The following TEKTIP1 variants were observed in gnomAD, a reference collection of about 807,000 sequenced individuals.
TEKTIP1 encodes the protein tektin bundle interacting protein 1.
the TEKTIP1 span, chr19:3,543,487 C>A: frequency 2.1e-5 from 32 of 1,519,436 alleles, no homozygotes; most frequent in Admixed American, 1.4e-4. Context: ...AGTGCCCCCC[C>A]CCCCGCCCTG....
chr19:3,539,426 AGTGG>A, the TEKTIP1 span: 1 of 590,512 alleles, frequency 1.7e-6, no homozygotes, highest in Non-Finnish European at 3.1e-6. Context: ...CCCTCCGGCC[AGTGG>A]CCGCTCACTG....
the TEKTIP1 span, chr19:3,539,308 C>T: frequency 8.3e-7 from 1 of 1,202,290 alleles, no homozygotes; most frequent in Non-Finnish European, 1.2e-6. Flanking sequence ...TCCCTCCCTC[C>T]CTCCCTGGGT....
chr19:3,543,474 G>T, the TEKTIP1 span: 8 of 1,529,954 alleles, frequency 5.2e-6, no homozygotes, highest in Non-Finnish European at 7.0e-6. Context: ...ATGCCATCGG[G>T]TGAGTGCCCC....
At chr19:3,542,792 C>T in the TEKTIP1 span, 7 of 1,369,468 alleles carry the variant, frequency 5.1e-6, no homozygotes, top group Non-Finnish European at 6.8e-6. Flanking sequence ...TAGTGGGTCC[C>T]CCAGTCTTCC....
the TEKTIP1 span, among the ~76,000 whole-genome samples, chr19:3,540,949 T>TC: frequency 6.7e-6 from 1 of 150,036 alleles, no homozygotes. Context: ...GGCGGGTGGA[T>TC]CACGAGGTCA....
the TEKTIP1 span, chr19:3,541,756 T>C: frequency 2.0e-6 from 2 of 985,372 alleles, no homozygotes; most frequent in Non-Finnish European, 2.4e-6. Context: ...GGCAGGTGGG[T>C]ACGGGGCCGA....
chr19:3,542,835 C>T, the TEKTIP1 span: 2 of 1,376,330 alleles, frequency 1.5e-6, no homozygotes, highest in Non-Finnish European at 1.9e-6. Context: ...CCCCAGACCA[C>T]TTCTTCCTGG....
chr19:3,539,416 C>A, the TEKTIP1 span: 9 of 592,922 alleles, frequency 1.5e-5, no homozygotes, highest in Admixed American at 2.2e-4. Flanking sequence ...CTTCCTGTTC[C>A]CCTCCGGCCA....
chr19:3,540,551 T>C, the TEKTIP1 span, among the ~76,000 whole-genome samples: 5 of 150,980 alleles, frequency 3.3e-5, no homozygotes, highest in South Asian at 2.1e-4. Flanking sequence ...GCACCGCGCC[T>C]AGCTGTGAGA....
chr19:3,543,290 A>ACACGCTGGAAGTACACGCC, the TEKTIP1 span: 2 of 1,548,508 alleles, frequency 1.3e-6, no homozygotes. Context: ...CAGGCAGGCC[A>ACACGCTGGAAGTACACGCC]CACGCTGGAA....
the TEKTIP1 span, chr19:3,539,391 A>AG: frequency 4.8e-6 from 3 of 624,526 alleles, no homozygotes; most frequent in South Asian, 5.5e-5. Context: ...CATGTGTGTG[A>AG]CGTCCCCTCC....
the TEKTIP1 span, chr19:3,542,850 C>T: frequency 7.2e-7 from 1 of 1,381,402 alleles, no homozygotes; most frequent in Non-Finnish European, 9.7e-7. Flanking sequence ...TCCTGGTGCA[C>T]CTCCAGGCCA....
chr19:3,540,771 T>C, the TEKTIP1 span, among the ~76,000 whole-genome samples: 86,669 of 145,840 alleles, frequency 0.59, 26,886 homozygotes, highest in East Asian at 0.82. Flanking sequence ...CCCAGCTACT[T>C]GGGAGGCTGA....
chr19:3,543,973 AGCG>A, the TEKTIP1 span: 1 of 1,549,310 alleles, frequency 6.5e-7, no homozygotes, highest in Non-Finnish European at 8.7e-7. Flanking sequence ...TCCACCTGCC[AGCG>A]GTCCCCGCCT....
chr19:3,541,576 C>A, the TEKTIP1 span: 1 of 834,490 alleles, frequency 1.2e-6, no homozygotes, highest in African/African-American at 1.9e-5. Flanking sequence ...CTGCCTCGGC[C>A]TCCCACAGTG....
At chr19:3,541,698 G>C in the TEKTIP1 span, 6 of 985,294 alleles carry the variant, frequency 6.1e-6, no homozygotes, top group Non-Finnish European at 4.8e-6. Context: ...ACGGGGGTGA[G>C]TGCATGTACC....
the TEKTIP1 span, chr19:3,543,572 C>CGGGA: frequency 6.5e-7 from 1 of 1,541,164 alleles, no homozygotes. Context: ...CCAGCACCTG[C>CGGGA]GGGAGACCGC....
chr19:3,543,008 G>C, the TEKTIP1 span: 2 of 1,601,014 alleles, frequency 1.2e-6, no homozygotes, highest in South Asian at 2.2e-5. Context: ...TGCTGACTTG[G>C]GTGCTTGGGG....
chr19:3,543,614 C>T, the TEKTIP1 span: 9 of 1,544,928 alleles, frequency 5.8e-6, no homozygotes, highest in Admixed American at 3.9e-5. Flanking sequence ...TGCCCAGTAC[C>T]AGGCCCCCAG....
Sources: gnomAD v4.1 joint callset for allele counts (sites outside exome capture counted in the v4.1 genomes callset) on GRCh38, gnomAD v4.1.1 for gene constraint, MANE v1.5 for transcripts, NCBI Gene and HGNC (gene_info 2026-07-23, HGNC 2026-07-21) for gene names.